AMBRA1: variants seen among roughly 807,000 people sequenced by gnomAD.
The protein encoded by AMBRA1 is autophagy and beclin 1 regulator 1.
In AMBRA1, 47 loss-of-function variants were observed where a neutral mutation model predicts 125.4. The ratio of observed to expected loss-of-function variants is 0.37; its 90% CI spans 0.30 to 0.48. The LOEUF is 0.48. AMBRA1 is among the 20% of genes least tolerant of loss of function. The pLI, the probability that AMBRA1 is intolerant of heterozygous loss-of-function variation, is 0.99. For missense variants in AMBRA1, 1,331 were observed against 1,693.4 expected (o/e 0.79, Z 3.76); for synonymous variants, 626 against 655.5 (o/e 0.95, Z 0.69).
chr11:46,454,579 C>CAAAAAAAA (rs777518872), intron 11 of AMBRA1, among the ~76,000 whole-genome samples: 15 of 50,466 alleles, frequency 3.0e-4, no homozygotes, highest in African/African-American at 5.7e-4. Context: ...ACTAAAAATA[C>CAAAAAAAA]AAAAAAAAAA....
At chr11:46,502,876 C>T (rs765686194) in intron 9 of AMBRA1, among the ~76,000 whole-genome samples, 12 of 151,788 alleles carry the variant, frequency 7.9e-5, no homozygotes, top group Non-Finnish European at 1.3e-4. Context: ...CTGGCTAACA[C>T]GGTGAAACCC....
intron 15 of AMBRA1, 107 bp downstream of exon 15, chr11:46,417,806 C>T: frequency 7.3e-7 from 1 of 1,365,336 alleles, no homozygotes; most frequent in East Asian, 2.6e-5. Context: ...GAGGCAGGCT[C>T]TAGATGGATT....
intron 1 of AMBRA1, among the ~76,000 whole-genome samples, chr11:46,567,876 C>T (rs191262174): frequency 8.9e-4 from 136 of 152,124 alleles, no homozygotes; most frequent in African/African-American, 3.3e-3. Flanking sequence ...GGGCTGGGCG[C>T]GGTGGCTCAC....
intron 11 of AMBRA1, among the ~76,000 whole-genome samples, chr11:46,471,835 C>A (rs1949607899): frequency 6.6e-6 from 1 of 151,866 alleles, no homozygotes; most frequent in Admixed American, 6.6e-5. Context: ...ATCATGTTGG[C>A]CAGGATGGTC....
intron 11 of AMBRA1, among the ~76,000 whole-genome samples, chr11:46,482,456 TGG>T (rs1482865646): frequency 1.2e-4 from 18 of 152,192 alleles, no homozygotes; most frequent in African/African-American, 4.3e-4. Flanking sequence ...AAGCAGCCAC[TGG>T]CACTAACTAT....
chr11:46,468,410 A>G (rs1949422324), intron 11 of AMBRA1, among the ~76,000 whole-genome samples: 1 of 151,964 alleles, frequency 6.6e-6, no homozygotes, highest in Admixed American at 6.6e-5. Context: ...AGGAGGCCCA[A>G]GCATTACCCT....
chr11:46,567,049 T>C (rs1387026854), intron 1 of AMBRA1, among the ~76,000 whole-genome samples: 1 of 152,046 alleles, frequency 6.6e-6, no homozygotes, highest in Non-Finnish European at 1.5e-5. Context: ...AATAAAAATG[T>C]AAGCATATTA....
At chr11:46,537,063 A>G (rs1369558379) in intron 7 of AMBRA1, among the ~76,000 whole-genome samples, 1 of 152,216 alleles carries the variant, frequency 6.6e-6, no homozygotes, top group African/African-American at 2.4e-5. Flanking sequence ...GAACATCCCT[A>G]ACAGGGATCA....
intron 11 of AMBRA1, among the ~76,000 whole-genome samples, chr11:46,477,846 C>T (rs1333148727): frequency 6.6e-6 from 1 of 151,926 alleles, no homozygotes; most frequent in African/African-American, 2.4e-5. Flanking sequence ...GAGGCTGAGA[C>T]GGGCAGATCG....
At chr11:46,500,155 A>G (rs1178634688) in intron 9 of AMBRA1, among the ~76,000 whole-genome samples, 8 of 152,236 alleles carry the variant, frequency 5.3e-5, no homozygotes, top group Admixed American at 3.3e-4. Context: ...AATAGCTGTC[A>G]GGCTGTGGGG....
At chr11:46,512,701 A>G in intron 8 of AMBRA1, 26 bp downstream of exon 8, 1 of 1,605,208 alleles carries the variant, frequency 6.2e-7, no homozygotes, top group East Asian at 2.2e-5. Context: ...CCCCCCACCT[A>G]GTGCCATTTC....
chr11:46,522,452 C>G (rs185871906), intron 7 of AMBRA1, among the ~76,000 whole-genome samples: 1 of 151,534 alleles, frequency 6.6e-6, no homozygotes, highest in East Asian at 1.9e-4. Flanking sequence ...AGACCACAGA[C>G]TTTTTTTTTA....
intron 8 of AMBRA1, among the ~76,000 whole-genome samples, chr11:46,512,282 C>T (rs1590993208): frequency 6.6e-6 from 1 of 152,238 alleles, no homozygotes; most frequent in Admixed American, 6.5e-5. Flanking sequence ...CCTGAAGGAG[C>T]TTGACTTCTG....
At chr11:46,492,457 CAG>C in intron 11 of AMBRA1, among the ~76,000 whole-genome samples, 1 of 152,316 alleles carries the variant, frequency 6.6e-6, no homozygotes, top group South Asian at 2.1e-4. Flanking sequence ...TTCTCCAAAA[CAG>C]AATGTCATTT....
At chr11:46,471,598 C>CA (rs1565193830) in intron 11 of AMBRA1, among the ~76,000 whole-genome samples, 2 of 151,098 alleles carry the variant, frequency 1.3e-5, no homozygotes, top group African/African-American at 4.9e-5. Flanking sequence ...GCATTTCCCC[C>CA]AAAAGGGTTA....
chr11:46,439,282 A>G (rs1194579399), intron 12 of AMBRA1, among the ~76,000 whole-genome samples: 1 of 152,212 alleles, frequency 6.6e-6, no homozygotes, highest in Non-Finnish European at 1.5e-5. Flanking sequence ...TCTAAAAATA[A>G]TAATAAGTAA....
chr11:46,436,980 AAT>A (rs1249172708), intron 12 of AMBRA1, among the ~76,000 whole-genome samples: 1 of 152,202 alleles, frequency 6.6e-6, no homozygotes, highest in East Asian at 1.9e-4. Context: ...ATGTCTCGAA[AAT>A]GTCTGTTGGG....
rs973834256 is a variant in AMBRA1, at chr11:46,433,681, G to C, written c.2822-53C>G. On this transcript the variant is annotated intron_variant, in intron 13 of 17. Transcript: ENST00000683756. ...TTCCTAGGCTTCTGGCCATTCCAAG[G>C]AAACAACTTTCACTCTTACTCTTGT... 3 of 1,571,612 alleles carry C rather than the reference G, an allele frequency of 1.9e-6. No homozygotes were observed. The Admixed American group carries it at 5.3e-5, about 28-fold the overall frequency.
chr11:46,414,960 CA>C (rs1281700318), intron 15 of AMBRA1, among the ~76,000 whole-genome samples: 1 of 151,994 alleles, frequency 6.6e-6, no homozygotes, highest in Admixed American at 6.6e-5. Flanking sequence ...ACTGCTGAGG[CA>C]AAGACAATGG....
Sources: gnomAD v4.1 joint callset for allele counts (sites outside exome capture counted in the v4.1 genomes callset) on GRCh38, gnomAD v4.1.1 for gene constraint, MANE v1.5 for transcripts, NCBI Gene and HGNC (gene_info 2026-07-23, HGNC 2026-07-21) for gene names.